The following PPP4R1 variants were observed in gnomAD, a reference collection of about 807,000 sequenced individuals.
PPP4R1 encodes the protein serine/threonine-protein phosphatase 4 regulatory subunit 1.
PPP4R1 carries 42 observed loss-of-function variants against 111.2 expected under a neutral mutation model. The ratio of observed to expected loss-of-function variants is 0.38; its 90% CI spans 0.29 to 0.49. PPP4R1 has a LOEUF of 0.49. Among genes scored for constraint, PPP4R1 ranks in the 20% least tolerant of loss-of-function variants. The pLI is 0.97. For missense variants in PPP4R1, 1,012 were observed against 1,161.6 expected (o/e 0.87, Z 1.87); for synonymous variants, 409 against 405.5 (o/e 1.01, Z -0.10).
chr18:9,581,187 T>C (rs1205339691), intron 9 of PPP4R1, among the ~76,000 whole-genome samples: 1 of 148,702 alleles, frequency 6.7e-6, no homozygotes, highest in Non-Finnish European at 1.5e-5. Flanking sequence ...AAAAAATCCA[T>C]ACATTAGGGG....
At chr18:9,580,076 A>C (rs1224111962) in intron 9 of PPP4R1, among the ~76,000 whole-genome samples, 5 of 152,250 alleles carry the variant, frequency 3.3e-5, no homozygotes, top group African/African-American at 4.8e-5. Flanking sequence ...GATACAGGAT[A>C]TAACAAAAAC....
At chr18:9,591,432 C>T (rs78471938) in intron 4 of PPP4R1, among the ~76,000 whole-genome samples, 110 of 151,814 alleles carry the variant, frequency 7.2e-4, no homozygotes, top group Non-Finnish European at 1.4e-3. Context: ...CAAATTACAA[C>T]CACAATGAGA....
In PPP4R1 at chr18:9,593,209, T is replaced by C. The variant is rs532071206; in HGVS notation, c.295+559A>G. 2.6e-5 allele frequency among the ~76,000 whole-genome samples: 4 copies of C among 152,278 alleles called. No homozygotes were observed. The South Asian group carries it at 8.3e-4, about 32-fold the overall frequency. On this transcript the variant is annotated intron_variant, in intron 4 of 19. Coordinates refer to ENST00000400556, the MANE Select transcript of PPP4R1 (RefSeq NM_001042388.3). ...TGTTTAATATTACCTTAAAATAGTT[T>C]TATGTGTTAAGTTTTAAGTATATTT...
At chr18:9,615,803 G>A (rs531183872), upstream of PPP4R1, among the ~76,000 whole-genome samples, 2 of 152,320 alleles carry the variant, frequency 1.3e-5, no homozygotes, top group African/African-American at 2.4e-5. Flanking sequence ...CAAGGACAAT[G>A]TGTTGGCATT....
rs994739286 is a variant in PPP4R1 at position 9,573,972 on chromosome 18, T to C, written c.1046+3092A>G. Among the ~76,000 whole-genome samples the C allele has an allele frequency of 3.9e-5, 6 of 152,330 alleles. No homozygotes were observed. The South Asian group carries it at 8.3e-4, about 21-fold the overall frequency. On this transcript the variant is annotated intron_variant, in intron 10 of 19. Coordinates refer to ENST00000400556, the MANE Select transcript of PPP4R1 (RefSeq NM_001042388.3). Reference sequence around the variant, plus strand: ...ATTGTGGACAGAACTACAGCATGCATGGCTTCAAAAATGTCGAAAGTATAA... The same window carrying C: ...ATTGTGGACAGAACTACAGCATGCACGGCTTCAAAAATGTCGAAAGTATAA...
At chr18:9,607,852 G>A (rs1022302128) in intron 2 of PPP4R1, among the ~76,000 whole-genome samples, 13 of 147,350 alleles carry the variant, frequency 8.8e-5, no homozygotes, top group Non-Finnish European at 3.0e-5. Flanking sequence ...ATGCAATCTC[G>A]GCTCACTGCA....
rs186722929 is a variant in PPP4R1 at position 9,597,368 on chromosome 18, C to T, written c.53-2215G>A. Among the ~76,000 whole-genome samples, 53 of 152,280 alleles carry T rather than the reference C, an allele frequency of 3.5e-4. 1 individual carries two copies. Among genetic ancestry groups the T allele is most frequent in the Admixed American group, 3.2e-3 (49 of 15,302 alleles). ...AGTTGAGAATTCAGGGAGGCCAAGG[C>T]AGCTAGAATTGGCAGAGGGAGAGTA... On this transcript the variant is annotated intron_variant, in intron 2 of 19. Transcript: ENST00000400556.
intron 2 of PPP4R1, among the ~76,000 whole-genome samples, chr18:9,600,794 T>C (rs1344772916): frequency 6.6e-6 from 1 of 152,010 alleles, no homozygotes; most frequent in East Asian, 1.9e-4. Context: ...GGTGGGGGGA[T>C]CACTTGAGTA....
chr18:9,615,079 C>T, upstream of PPP4R1: 1 of 152,448 alleles, frequency 6.6e-6, no homozygotes, highest in South Asian at 2.1e-4. Flanking sequence ...GTCCCACCTC[C>T]TCTTGGAGGA....
At chr18:9,610,413 G>A (rs1422853547) in intron 2 of PPP4R1, among the ~76,000 whole-genome samples, 1 of 152,142 alleles carries the variant, frequency 6.6e-6, no homozygotes, top group Non-Finnish European at 1.5e-5. Context: ...ATACAGTACT[G>A]AAAGTTTCAC....
At chr18:9,573,850 A>G (rs949720202) in intron 10 of PPP4R1, among the ~76,000 whole-genome samples, 1 of 152,248 alleles carries the variant, frequency 6.6e-6, no homozygotes, top group Admixed American at 6.5e-5. Flanking sequence ...TGTTTGTCTG[A>G]TAAATGTAAA....
At chr18:9,563,840 T>G (rs952757618) in intron 11 of PPP4R1, 1 of 223,392 alleles carries the variant, frequency 4.5e-6, no homozygotes, top group African/African-American at 2.3e-5. Flanking sequence ...GCCTCCGGCT[T>G]ATTAAAAGGA....
intron 4 of PPP4R1, among the ~76,000 whole-genome samples, chr18:9,591,855 C>T (rs530345954): frequency 2.6e-5 from 4 of 151,998 alleles, no homozygotes; most frequent in Non-Finnish European, 5.9e-5. Context: ...TCACTTGAGG[C>T]CAGAAGTTCC....
chr18:9,587,067 A>G (rs1459310578), intron 6 of PPP4R1, among the ~76,000 whole-genome samples: 2 of 152,200 alleles, frequency 1.3e-5, no homozygotes, highest in Non-Finnish European at 2.9e-5. Flanking sequence ...CACAAAGACC[A>G]TACCTGTCAG....
intron 5 of PPP4R1, 101 bp from the exon 6 acceptor site, chr18:9,588,336 A>AT: frequency 7.9e-7 from 1 of 1,267,030 alleles, no homozygotes; most frequent in Non-Finnish European, 1.1e-6. Flanking sequence ...AAAGGGACCC[A>AT]TAACTGGCAA....
chr18:9,588,142 T>C lies in PPP4R1; in HGVS notation c.532A>G (p.Ile178Val), dbSNP rs1009163707. The C allele has an allele frequency of 1.2e-6, 2 of 1,614,062 alleles. No individual in the cohort carries two copies. The highest frequency in any genetic ancestry group is 2.2e-5 in the East Asian group (1 of 44,894). The change falls in exon 6 of 20, where the codon ATA (isoleucine) becomes GTA (valine). Residue 178 changes from isoleucine to valine, a missense_variant. Physicochemically the swap from Ile to Val is conservative, Grantham distance 29 (BLOSUM62 3). Coordinates refer to ENST00000400556, the MANE Select transcript of PPP4R1 (RefSeq NM_001042388.3). ...TTGCTATCTGGGGCTGTCAGCTCTA[T>C]GAGGACAGGGCACACTTTGGTCTCC... is the stretch of plus-strand genomic sequence containing the variant. The part of the protein sequence containing the change: ...DVETKVCPVL[I>V]ELTAPDSNDD...
At chr18:9,555,707 G>A (rs779745649) in intron 15 of PPP4R1, among the ~76,000 whole-genome samples, 8 of 152,110 alleles carry the variant, frequency 5.3e-5, no homozygotes, top group Admixed American at 1.3e-4. Flanking sequence ...AAAACAACTG[G>A]TTTAGACTCC....
At position 9,570,228 on chromosome 18, in the gene PPP4R1, A is replaced by G. The variant is rs773281131; in HGVS notation, c.1502T>C (p.Met501Thr). Residue 501 changes from methionine to threonine, a missense_variant, in exon 11 of 20, where the codon ATG (methionine) becomes ACG (threonine). Met to Thr is a moderately conservative substitution (Grantham distance 81). Coordinates refer to ENST00000400556, the MANE Select transcript of PPP4R1 (RefSeq NM_001042388.3). ...TTCTTCCAGTTCCTTTCTGGTGGCC[A>G]TGGTGATGTTTGGAGAACTGGGCAC... The part of the protein sequence containing the change: ...GPVPSSPNIT[M>T]ATRKELEEMI... The G allele has an allele frequency of 3.2e-6, 5 of 1,582,496 alleles. No individual in the cohort carries two copies. Among genetic ancestry groups the G allele is most frequent in the Non-Finnish European group, 3.4e-6 (4 of 1,167,962 alleles).
rs377233947 is a variant in PPP4R1 at position 9,588,130 on chromosome 18, C to T, written c.544G>A (p.Ala182Thr). 2.5e-6 allele frequency: 4 copies of T among 1,614,060 alleles called. No homozygotes were observed. Among genetic ancestry groups the T allele is most frequent in the Non-Finnish European group, 3.4e-6 (4 of 1,180,038 alleles). ...TTCACATCATCATTGCTATCTGGGGCTGTCAGCTCTATGAGGACAGGGCAC... is the reference window on the plus strand; with the variant it reads ...TTCACATCATCATTGCTATCTGGGGTTGTCAGCTCTATGAGGACAGGGCAC... ...KVCPVLIELT[A>T]PDSNDDVKTE... is the part of the protein sequence containing the mutation. The change falls in exon 6 of 20, where the codon GCC becomes ACC. Residue 182 changes from alanine (A) to threonine (T), a missense_variant. Coordinates refer to ENST00000400556, the MANE Select transcript of PPP4R1 (RefSeq NM_001042388.3).
Sources: gnomAD v4.1 joint callset for allele counts (sites outside exome capture counted in the v4.1 genomes callset) on GRCh38, gnomAD v4.1.1 for gene constraint, MANE v1.5 for transcripts, NCBI Gene and HGNC (gene_info 2026-07-23, HGNC 2026-07-21) for gene names.